The following FSTL5 variants were observed in gnomAD, a reference collection of about 807,000 sequenced individuals.
FSTL5 encodes the protein follistatin like 5.
FSTL5 carries 62 observed loss-of-function variants against 89.1 expected under a neutral mutation model. The observed-to-expected ratio is 0.70, with a 90% CI of 0.57 to 0.86. FSTL5 has a LOEUF of 0.86. FSTL5 is among the 40% of genes least tolerant of loss of function. The probability of loss-of-function intolerance (pLI) is 0.00; values close to 1 mark genes in which losing one functional copy is unlikely to be tolerated. For synonymous variants in FSTL5, 383 were observed against 346.2 expected (o/e 1.11, Z -1.18); for missense variants, 1,057 against 1,001.6 (o/e 1.06, Z -0.75).
chr4:161,687,646 T>C (rs1737791582), intron 6 of FSTL5, among the ~76,000 whole-genome samples: 1 of 152,150 alleles, frequency 6.6e-6, no homozygotes, highest in Admixed American at 6.5e-5. Context: ...ACTCACATCT[T>C]AATGGGGGCA....
intron 2 of FSTL5, among the ~76,000 whole-genome samples, chr4:162,108,194 A>C (rs1239483018): frequency 4.6e-5 from 7 of 152,184 alleles, no homozygotes; most frequent in Admixed American, 3.3e-4. Context: ...TACAATTAGC[A>C]TGATAGATTG....
At chr4:162,032,036 C>A (rs972655053) in intron 3 of FSTL5, among the ~76,000 whole-genome samples, 4 of 152,102 alleles carry the variant, frequency 2.6e-5, no homozygotes, top group Non-Finnish European at 5.9e-5. Context: ...CAAGCATCAT[C>A]TTGAAATTGT....
chr4:161,442,269 TA>T (rs150854602), intron 15 of FSTL5, among the ~76,000 whole-genome samples: 1,939 of 152,098 alleles, frequency 0.013, 41 homozygotes, highest in African/African-American at 0.044. Context: ...GTTTACCTTT[TA>T]AAAGCATTTA....
intron 4 of FSTL5, 26 bp from the exon 5 acceptor site, chr4:161,776,100 C>A: frequency 8.6e-7 from 1 of 1,164,652 alleles, no homozygotes; most frequent in South Asian, 1.9e-5. Flanking sequence ...TAGTTATTTT[C>A]AAGCAATATT....
chr4:161,415,311 A>G (rs545699099), intron 15 of FSTL5, among the ~76,000 whole-genome samples: 145 of 152,134 alleles, frequency 9.5e-4, no homozygotes, highest in African/African-American at 3.3e-3. Context: ...GCTGGAGTGC[A>G]ATGATGCAAT....
chr4:162,055,270 A>G (rs536928826), intron 2 of FSTL5, among the ~76,000 whole-genome samples: 2 of 151,738 alleles, frequency 1.3e-5, no homozygotes, highest in Non-Finnish European at 1.5e-5. Flanking sequence ...CATAATTAGT[A>G]CTATAATTCA....
intron 15 of FSTL5, 59 bp downstream of exon 15, chr4:161,454,945 G>A: frequency 6.7e-7 from 1 of 1,489,586 alleles, no homozygotes; most frequent in Non-Finnish European, 9.3e-7. Flanking sequence ...ATTTCACATG[G>A]CTTTCTATTA....
At chr4:161,533,391 A>G (rs974971384) in intron 10 of FSTL5, among the ~76,000 whole-genome samples, 1 of 152,150 alleles carries the variant, frequency 6.6e-6, no homozygotes, top group Non-Finnish European at 1.5e-5. Flanking sequence ...CAAAGATGAC[A>G]TTACAAATGA....
At chr4:161,753,579 T>A (rs1489808316) in intron 6 of FSTL5, among the ~76,000 whole-genome samples, 1 of 152,100 alleles carries the variant, frequency 6.6e-6, no homozygotes, top group Non-Finnish European at 1.5e-5. Flanking sequence ...CAAACAAAGG[T>A]TTTTATATAC....
At chr4:161,448,933 A>G (rs887391625) in intron 15 of FSTL5, among the ~76,000 whole-genome samples, 5 of 152,078 alleles carry the variant, frequency 3.3e-5, no homozygotes, top group African/African-American at 1.2e-4. Context: ...AGTCCAAACC[A>G]GTACCATCTT....
chr4:161,740,458 C>T (rs2126771091), intron 6 of FSTL5, among the ~76,000 whole-genome samples: 1 of 151,364 alleles, frequency 6.6e-6, no homozygotes, highest in Admixed American at 6.6e-5. Flanking sequence ...CCATTTCAAC[C>T]CCCATATTAT....
At chr4:161,651,440 T>C (rs1412355150) in intron 7 of FSTL5, among the ~76,000 whole-genome samples, 1 of 152,134 alleles carries the variant, frequency 6.6e-6, no homozygotes, top group Non-Finnish European at 1.5e-5. Context: ...TTCTTGGTAC[T>C]ATATGTAACC....
intron 4 of FSTL5, among the ~76,000 whole-genome samples, chr4:161,870,191 T>C (rs1732217553): frequency 6.6e-6 from 1 of 152,138 alleles, no homozygotes; most frequent in Non-Finnish European, 1.5e-5. Context: ...CACCACGTGG[T>C]GCATAACACA....
intron 2 of FSTL5, among the ~76,000 whole-genome samples, chr4:162,084,572 A>G (rs1156658544): frequency 6.6e-6 from 1 of 152,140 alleles, no homozygotes; most frequent in Non-Finnish European, 1.5e-5. Context: ...GCACATATAT[A>G]CCATGGAATA....
intron 6 of FSTL5, among the ~76,000 whole-genome samples, chr4:161,700,332 A>C (rs1249396547): frequency 4.6e-5 from 7 of 152,176 alleles, no homozygotes; most frequent in Non-Finnish European, 1.5e-5. Context: ...GTTTGTGCTC[A>C]TCATCACTAT....
intron 12 of FSTL5, 84 bp from the exon 13 acceptor site, chr4:161,481,253 CA>C: frequency 1.0e-6 from 1 of 986,382 alleles, no homozygotes; most frequent in South Asian, 2.1e-5. Context: ...ATTAATGTTT[CA>C]TACTTTACTA....
chr4:162,004,338 A>G (rs997697462), intron 3 of FSTL5, among the ~76,000 whole-genome samples: 1 of 152,182 alleles, frequency 6.6e-6, no homozygotes, highest in Non-Finnish European at 1.5e-5. Context: ...ACTAGGTCCC[A>G]TTGACTCTGC....
At chr4:161,525,826 C>T (rs548422745) in intron 10 of FSTL5, among the ~76,000 whole-genome samples, 2 of 152,114 alleles carry the variant, frequency 1.3e-5, no homozygotes, top group East Asian at 3.9e-4. Context: ...AACTTTTTGA[C>T]TTTTGGTATT....
At chr4:161,735,303 C>T (rs561322547) in intron 6 of FSTL5, among the ~76,000 whole-genome samples, 17 of 152,138 alleles carry the variant, frequency 1.1e-4, no homozygotes, top group Non-Finnish European at 2.4e-4. Context: ...TCCCCAGGAA[C>T]ATTCAGTGTC....
Sources: allele counts gnomAD v4.1 joint callset (sites outside exome capture counted in the v4.1 genomes callset), GRCh38; gene constraint gnomAD v4.1.1; transcripts MANE v1.5; gene names NCBI Gene and HGNC (gene_info 2026-07-23, HGNC 2026-07-21).